Variants in LPCAT1 observed in about 807,000 individuals in gnomAD.
LPCAT1 encodes the protein lysophosphatidylcholine acyltransferase 1.
Under a neutral mutation model 60.9 loss-of-function variants are expected in LPCAT1, and 23 were observed. The observed-to-expected ratio is 0.38, with a 90% CI of 0.27 to 0.53. The LOEUF is 0.53. Among genes scored for constraint, LPCAT1 ranks in the 20% least tolerant of loss-of-function variants. The pLI, the probability that LPCAT1 is intolerant of heterozygous loss-of-function variation, is 0.82. For synonymous variants in LPCAT1, 340 were observed against 301.1 expected (o/e 1.13, Z -1.34); for missense variants, 622 against 723.6 (o/e 0.86, Z 1.61).
At chr5:1,475,356 G>A (rs550483670) in intron 9 of LPCAT1, among the ~76,000 whole-genome samples, 22 of 152,196 alleles carry the variant, frequency 1.4e-4, no homozygotes, top group Non-Finnish European at 2.9e-4. Context: ...TCCTGGCCCC[G>A]CCACGTGTGA....
chr5:1,499,050 C>T (rs936163547), intron 2 of LPCAT1, among the ~76,000 whole-genome samples: 3 of 152,204 alleles, frequency 2.0e-5, no homozygotes, highest in South Asian at 2.1e-4. Flanking sequence ...GTCACTGTCA[C>T]GGGACACTTC....
At chr5:1,484,056 C>T (rs1388671325) in intron 5 of LPCAT1, among the ~76,000 whole-genome samples, 1 of 152,258 alleles carries the variant, frequency 6.6e-6, no homozygotes, top group African/African-American at 2.4e-5. Context: ...GGGGCCCCAC[C>T]CGCCGCCCTC....
intron 1 of LPCAT1, among the ~76,000 whole-genome samples, chr5:1,519,868 A>C (rs1736618679): frequency 6.6e-6 from 1 of 152,174 alleles, no homozygotes; most frequent in East Asian, 1.9e-4. Context: ...GGCCTTCTCC[A>C]TCCTCCCCAA....
chr5:1,467,896 C>T (rs27050), intron 12 of LPCAT1, among the ~76,000 whole-genome samples: 51,181 of 151,942 alleles, frequency 0.34, 9,520 homozygotes, highest in African/African-American at 0.51. Context: ...CTGGGGTCCA[C>T]GGTTCCTGGG....
chr5:1,511,992 C>T (rs573861449), intron 1 of LPCAT1, among the ~76,000 whole-genome samples: 6 of 152,174 alleles, frequency 3.9e-5, no homozygotes, highest in South Asian at 4.1e-4. Flanking sequence ...CCGGTCTCAG[C>T]GGGTGTCTGG....
At chr5:1,465,370 G>A (rs533619977) in intron 13 of LPCAT1, among the ~76,000 whole-genome samples, 3 of 134,972 alleles carry the variant, frequency 2.2e-5, no homozygotes, top group East Asian at 2.2e-4. Context: ...ACAAGTGCAC[G>A]AACACACACG....
chr5:1,501,666 G>A lies in LPCAT1; in HGVS notation c.136-63C>T, dbSNP rs1394975053. On this transcript the variant is annotated intron_variant, in intron 1 of 13. Transcript: ENST00000283415. Reference sequence around the variant, plus strand: ...TAGGACACCAGGCAGCTCCCCACCCGGCAGAGGCTAGCCCAGGGGGACAGC... The same window carrying A: ...TAGGACACCAGGCAGCTCCCCACCCAGCAGAGGCTAGCCCAGGGGGACAGC... The A allele has an allele frequency of 1.5e-5, 24 of 1,556,076 alleles. No individual in the cohort carries two copies. In the South Asian group the frequency reaches 1.9e-4, roughly 12 times the overall value.
chr5:1,466,993 C>T, intron 12 of LPCAT1, 103 bp from the exon 13 acceptor site: 1 of 1,264,188 alleles, frequency 7.9e-7, no homozygotes, highest in Non-Finnish European at 1.0e-6. Flanking sequence ...GTCAGAGCTG[C>T]TGGGCACCTG....
chr5:1,477,329 A>G lies in LPCAT1; in HGVS notation c.899+75T>C, dbSNP rs957540550. The G allele has an allele frequency of 4.4e-5, 54 of 1,231,206 alleles. No homozygotes were observed. In the Admixed American group the frequency reaches 7.5e-4, roughly 17 times the overall value. 76.3% of individuals were successfully genotyped at this position (1,231,206 alleles called of 1,614,324 possible). A position where few individuals can be genotyped will look rare whatever the true frequency, so the allele number is the denominator to read the frequency against. Reference sequence around the variant, plus strand: ...ATGCCTTTTCCTAACGCTGTTGCCTATTTTAAATATACAGAGAGCAGCACT... The same window carrying G: ...ATGCCTTTTCCTAACGCTGTTGCCTGTTTTAAATATACAGAGAGCAGCACT... On this transcript the variant is annotated intron_variant, in intron 9 of 13. Transcript: ENST00000283415. The surrounding 1 kb of genome is among the most constrained non-coding windows in gnomAD (Gnocchi z 6.0).
intron 13 of LPCAT1, among the ~76,000 whole-genome samples, chr5:1,464,517 C>G (rs1734245447): frequency 1.3e-5 from 2 of 152,178 alleles, no homozygotes; most frequent in Non-Finnish European, 2.9e-5. Context: ...CACCAAGGAG[C>G]ATTGCACACT....
chr5:1,511,538 C>T (rs1051328348), intron 1 of LPCAT1, among the ~76,000 whole-genome samples: 2 of 152,016 alleles, frequency 1.3e-5, no homozygotes, highest in African/African-American at 4.8e-5. Context: ...GCTCACCTCG[C>T]TCACCCTACT....
Position 1,523,828 on chromosome 5 carries a change from C to T in LPCAT1, c.17G>A (p.Cys6Tyr), listed in dbSNP as rs1736751334. The change falls in exon 1 of 14, where the codon TGC (cysteine) becomes TAC (tyrosine). Residue 6 changes from cysteine (C) to tyrosine (Y), a missense_variant. Transcript: ENST00000283415. The surrounding 1 kb of genome is among the most constrained non-coding windows in gnomAD (Gnocchi z 7.1). MRLRG[C>Y]GPRAAPASSA... ...GGAGGCAGGGGCGGCCCGGGGTCCGCATCCCCGCAGCCTCATGGCCGCGCC... is the reference window on the plus strand; with the variant it reads ...GGAGGCAGGGGCGGCCCGGGGTCCGTATCCCCGCAGCCTCATGGCCGCGCC... The T allele has an allele frequency of 9.3e-7, 1 of 1,079,838 alleles. No homozygotes were observed. Among genetic ancestry groups the T allele is most frequent in the African/African-American group, 1.7e-5 (1 of 58,824 alleles). The allele number at this position is 1,079,838 out of a possible 1,614,324, so 66.9% of individuals were successfully genotyped here. A position where few individuals can be genotyped will look rare whatever the true frequency, so the allele number is the denominator to read the frequency against.
chr5:1,482,267 C>T (rs1047464661), intron 6 of LPCAT1, among the ~76,000 whole-genome samples: 1 of 151,172 alleles, frequency 6.6e-6, no homozygotes, highest in East Asian at 2.0e-4. Context: ...CTGAGCTCGG[C>T]GGCAGGCCTG....
chr5:1,486,247 G>C (rs1173607521), intron 5 of LPCAT1, among the ~76,000 whole-genome samples: 1 of 152,192 alleles, frequency 6.6e-6, no homozygotes. Context: ...GACCCCACAG[G>C]GCTCTGCTGA....
At position 1,463,761 on chromosome 5, in the gene LPCAT1, C is replaced by A; in HGVS notation, c.1495G>T (p.Glu499Ter). ...EYLYPDQTHF[E>*]SCAETSPAPI... ...GCAGGTGAGGTCTCTGCACAGCTTT[C>A]GAAATGTGTCTGATCCGGGTACAGG... Residue 499 changes from glutamate (E) to a stop codon, truncating the protein, a stop_gained, in exon 14 of 14, where the codon GAA (glutamate) becomes TAA (stop). Coordinates refer to ENST00000283415, the MANE Select transcript of LPCAT1 (RefSeq NM_024830.5). LOFTEE classifies it low-confidence loss of function (END_TRUNC). The A allele has an allele frequency of 6.2e-7, 1 of 1,614,252 alleles. No homozygotes were observed. Among genetic ancestry groups the A allele is most frequent in the African/African-American group, 1.3e-5 (1 of 75,080 alleles).
intron 2 of LPCAT1, 109 bp downstream of exon 2, chr5:1,501,352 G>A: frequency 9.2e-6 from 13 of 1,417,646 alleles, no homozygotes; most frequent in South Asian, 8.1e-5. Context: ...AGAAGGGAAG[G>A]ACAGATGGGC....
At position 1,520,704 on chromosome 5, in the gene LPCAT1, C is replaced by CA. The variant is rs762739291; in HGVS notation, c.135+3005dup. ...TGAGACCCCATCTCTACTAAAAATA[C>CA]AAAAAAAAATTAGCCGGGCATTGTG... On this transcript the variant is annotated intron_variant, in intron 1 of 13. Transcript: ENST00000283415. Among the ~76,000 whole-genome samples, 105 of 149,836 alleles carry CA rather than the reference C, an allele frequency of 7.0e-4. 1 individual carries two copies. The highest frequency in any genetic ancestry group is 2.3e-3 in the South Asian group (11 of 4,732).
rs2126631271 is a variant in LPCAT1 at position 1,522,071 on chromosome 5, GAAGA to G, written c.135+1635_135+1638del. On this transcript the variant is annotated intron_variant, in intron 1 of 13. Coordinates refer to ENST00000283415, the MANE Select transcript of LPCAT1 (RefSeq NM_024830.5). This position sits in a 1 kb window ranked among gnomAD's most constrained non-coding sequence, Gnocchi z 6.8. ...AGCCAGGAGGGAGTAGGAAAGGCAG[GAAGA>G]GAGAGCATGCCTGAGGCAGCCATAG... 6.6e-6 allele frequency among the ~76,000 whole-genome samples: 1 copy of G among 152,318 alleles called. No homozygotes were observed. The highest frequency in any genetic ancestry group is 2.1e-4 in the South Asian group (1 of 4,826).
chr5:1,506,726 C>T (rs1288513302), intron 1 of LPCAT1, among the ~76,000 whole-genome samples: 2 of 152,246 alleles, frequency 1.3e-5, no homozygotes, highest in African/African-American at 2.4e-5. Flanking sequence ...AGGGGGCTGG[C>T]AGTGCGGTCT....
Sources: allele counts gnomAD v4.1 joint callset (sites outside exome capture counted in the v4.1 genomes callset), GRCh38; gene constraint gnomAD v4.1.1; non-coding constraint Gnocchi (gnomAD v3.1); transcripts MANE v1.5; gene names NCBI Gene and HGNC (gene_info 2026-07-23, HGNC 2026-07-21).